The following ABCA6 variants were observed in gnomAD, a reference collection of about 807,000 sequenced individuals.
ABCA6 encodes the protein ATP-binding cassette sub-family A member 6.
A neutral mutation model predicts 191.2 loss-of-function variants in ABCA6; 164 were observed. The observed-to-expected ratio is 0.86, with a 90% CI of 0.76 to 0.98. The LOEUF is 0.98. Ranked by LOEUF, ABCA6 falls within the 50% of genes least tolerant of loss-of-function variation. The probability of loss-of-function intolerance (pLI) is 0.00; values close to 1 mark genes in which losing one functional copy is unlikely to be tolerated. For synonymous variants in ABCA6, 636 were observed against 647.7 expected (o/e 0.98, Z 0.27); for missense variants, 1,958 against 1,894.1 (o/e 1.03, Z -0.63).
chr17:69,113,080 C>G, intron 15 of ABCA6, 142 bp downstream of exon 15: 1 of 923,084 alleles, frequency 1.1e-6, no homozygotes, highest in African/African-American at 1.7e-5. Flanking sequence ...CACAGTGGAA[C>G]TAGACTCCTG....
chr17:69,128,620 T>C lies in ABCA6; in HGVS notation c.1118A>G (p.Gln373Arg), dbSNP rs1196128814. 1.9e-6 allele frequency: 3 copies of C among 1,608,858 alleles called. No individual in the cohort carries two copies. Among genetic ancestry groups the C allele is most frequent in the Non-Finnish European group, 2.5e-6 (3 of 1,177,224 alleles). Residue 373 changes from glutamine (Q) to arginine (R), a missense_variant and splice_region_variant, in exon 8 of 39, where the codon CAG becomes CGG. Coordinates refer to ENST00000284425, the MANE Select transcript of ABCA6 (RefSeq NM_080284.3). The part of the protein sequence containing the change: ...SPFAFTTGMI[Q>R]IIKLDYNLNG... ...TAAACCAATTAACTAGGCTCTTACC[T>C]GAATCATTCCAGTAGTAAAGGCAAA...
chr17:69,088,318 T>TTG, intron 27 of ABCA6, 60 bp from the exon 28 acceptor site: 11 of 1,285,212 alleles, frequency 8.6e-6, no homozygotes, highest in South Asian at 1.5e-5. Flanking sequence ...ATTTAAATAT[T>TTG]TGAATTAAGT....
At chr17:69,109,359 C>T (rs536620273) in intron 17 of ABCA6, 1 of 152,200 alleles carries the variant, frequency 6.6e-6, no homozygotes, top group East Asian at 1.9e-4. Flanking sequence ...GTGCCTAACA[C>T]GTAGAAAACA....
intron 7 of ABCA6, 110 bp from the exon 8 acceptor site, chr17:69,128,914 A>C: frequency 2.5e-6 from 2 of 807,498 alleles, no homozygotes; most frequent in Non-Finnish European, 3.8e-6. Context: ...AATATTTATC[A>C]GTGAGAAAGT....
At chr17:69,134,542 G>T in intron 5 of ABCA6, 97 bp downstream of exon 5, 1 of 854,088 alleles carries the variant, frequency 1.2e-6, no homozygotes, top group East Asian at 2.5e-5. Flanking sequence ...TGTTGTAGCA[G>T]TACAAACGGA....
At chr17:69,140,310 A>C (rs1005511500) in intron 2 of ABCA6, among the ~76,000 whole-genome samples, 3 of 152,060 alleles carry the variant, frequency 2.0e-5, no homozygotes, top group African/African-American at 7.2e-5. Context: ...TTCTTCTGAC[A>C]ACATTTTTTT....
At chr17:69,107,315 A>T (rs1303969875) in intron 18 of ABCA6, among the ~76,000 whole-genome samples, 1 of 152,210 alleles carries the variant, frequency 6.6e-6, no homozygotes, top group Non-Finnish European at 1.5e-5. Context: ...AAGAGTGGAT[A>T]CTGAGAATTC....
rs1598439122 is a variant in ABCA6 at position 69,083,289 on chromosome 17, G to A, written c.4398C>T (p.Val1466=). ...QAVVKNTERG[V]LLTTHNLAEA... ...CAGCCAGGTTATGGGTGGTCAGGAG[G>A]ACACCTCTCTCTGTGTTTTTAACGA... is the stretch of plus-strand genomic sequence containing the variant. Residue 1466 remains valine, a synonymous_variant, in exon 35 of 39, where the codon GTC becomes GTT. Transcript: ENST00000284425. 1 of 1,606,804 alleles carries A rather than the reference G, an allele frequency of 6.2e-7. No individual in the cohort carries two copies. The highest frequency in any genetic ancestry group is 2.2e-5 in the East Asian group (1 of 44,772).
chr17:69,136,099 ATCT>A lies in ABCA6; in HGVS notation c.450_452del (p.Glu150del). 1.2e-6 allele frequency: 2 copies of A among 1,609,886 alleles called. No individual in the cohort carries two copies. Among genetic ancestry groups the A allele is most frequent in the Admixed American group, 1.7e-5 (1 of 59,736 alleles). On this transcript the variant is annotated inframe_deletion, in exon 4 of 39. Coordinates refer to ENST00000284425, the MANE Select transcript of ABCA6 (RefSeq NM_080284.3). The stretch of plus-strand genomic sequence containing the variant: ...TTTGATATGGAAAGTCACCTGAGAA[ATCT>A]TCTTTCCAAAGTGGACTGTTATATC...
rs1165762848 is a variant in ABCA6 at position 69,087,477 on chromosome 17, T to C, written c.3699-4A>G. 2 of 1,613,476 alleles carry C rather than the reference T, an allele frequency of 1.2e-6. No individual in the cohort carries two copies. The highest frequency in any genetic ancestry group is 1.7e-6 in the Non-Finnish European group (2 of 1,179,730). On this transcript the variant is annotated splice_polypyrimidine_tract_variant and splice_region_variant and intron_variant, in intron 28 of 38. Coordinates refer to ENST00000284425, the MANE Select transcript of ABCA6 (RefSeq NM_080284.3). ...ATCTCTACTTTGGGGGGAAATTCTA[T>C]GGAGAAAATGAAATGTGTTACATGT... is the stretch of plus-strand genomic sequence containing the variant.
intron 37 of ABCA6, among the ~76,000 whole-genome samples, chr17:69,079,507 C>T (rs549647860): frequency 7.2e-5 from 11 of 152,124 alleles, no homozygotes; most frequent in South Asian, 2.1e-4. Context: ...GTATTGCGTG[C>T]GTATGTCTTT....
At chr17:69,103,481 T>G (rs1347014324) in intron 20 of ABCA6, among the ~76,000 whole-genome samples, 2 of 152,184 alleles carry the variant, frequency 1.3e-5, no homozygotes, top group African/African-American at 4.8e-5. Flanking sequence ...ATATAATCTT[T>G]CTTAGGAAAT....
At chr17:69,140,945 A>T (rs2074017628) in intron 1 of ABCA6, among the ~76,000 whole-genome samples, 197 bp from the exon 2 acceptor site, 2 of 152,102 alleles carry the variant, frequency 1.3e-5, no homozygotes, top group Admixed American at 6.6e-5. Context: ...TTATTATCAC[A>T]ATTTTGCAAT....
At chr17:69,101,268 C>A (rs2073174278) in intron 21 of ABCA6, among the ~76,000 whole-genome samples, 1 of 151,806 alleles carries the variant, frequency 6.6e-6, no homozygotes. Flanking sequence ...TAAAAGTCTC[C>A]CTGACAAGGA....
intron 3 of ABCA6, among the ~76,000 whole-genome samples, chr17:69,137,033 C>A (rs1055285650): frequency 6.6e-6 from 1 of 152,102 alleles, no homozygotes; most frequent in African/African-American, 2.4e-5. Context: ...TACTATCCTG[C>A]AAATCTAAAA....
chr17:69,110,973 A>C lies in ABCA6; in HGVS notation c.2133-33T>G, dbSNP rs764560563. ...TTAAAAGAAAAGATAAGTCATTTGC[A>C]TTTTCTCCACCACTATCACAAAAGA... On this transcript the variant is annotated intron_variant, in intron 16 of 38. Transcript: ENST00000284425. 5.1e-6 allele frequency: 8 copies of C among 1,558,908 alleles called. No individual in the cohort carries two copies. The South Asian group carries it at 9.7e-5, about 19-fold the overall frequency.
intron 36 of ABCA6, among the ~76,000 whole-genome samples, chr17:69,081,924 G>T (rs1054610241): frequency 6.6e-6 from 1 of 152,158 alleles, no homozygotes; most frequent in Non-Finnish European, 1.5e-5. Flanking sequence ...TTGATTTGGG[G>T]CATCTTGCTT....
At position 69,106,035 on chromosome 17, in the gene ABCA6, A is replaced by T. The variant is rs202127512; in HGVS notation, c.2566T>A (p.Leu856Met). Residue 856 changes from leucine (L) to methionine (M), a missense_variant, in exon 19 of 39, where the codon TTG (leucine) becomes ATG (methionine). Physicochemically the swap from Leu to Met is conservative, Grantham distance 15. Transcript: ENST00000284425. ...CAGTACTCTCCTACTCACAGGGTCAATAACACTTTAGTTTGACGTTTTAAC... is the reference window on the plus strand; with the variant it reads ...CAGTACTCTCCTACTCACAGGGTCATTAACACTTTAGTTTGACGTTTTAAC... ...LKLKRQTKVL[L>M]TLLLVFGIAI... is the part of the protein sequence containing the mutation. The T allele has an allele frequency of 6.2e-6, 10 of 1,611,056 alleles. No homozygotes were observed. In the Admixed American group the frequency reaches 1.2e-4, roughly 19 times the overall value.
intron 25 of ABCA6, among the ~76,000 whole-genome samples, chr17:69,091,791 G>GC (rs2072929462): frequency 5.2e-5 from 1 of 19,260 alleles, no homozygotes; most frequent in East Asian, 3.8e-4. Flanking sequence ...CAAAGTGCTG[G>GC]GATTACAGGC....
Sources: gnomAD v4.1 joint callset for allele counts (sites outside exome capture counted in the v4.1 genomes callset) on GRCh38, gnomAD v4.1.1 for gene constraint, MANE v1.5 for transcripts, NCBI Gene and HGNC (gene_info 2026-07-23, HGNC 2026-07-21) for gene names.